ALG9: variants seen among roughly 807,000 people sequenced by gnomAD.
ALG9 encodes the protein ALG9 alpha-1,2-mannosyltransferase, also known as alpha-1,2-mannosyltransferase ALG9.
Under a neutral mutation model 81.8 loss-of-function variants are expected in ALG9, and 55 were observed. That is an observed-to-expected ratio of 0.67 (90% CI 0.54 to 0.84). ALG9 has a LOEUF of 0.84. ALG9 is among the 40% of genes least tolerant of loss of function. The pLI, the probability that ALG9 is intolerant of heterozygous loss-of-function variation, is 0.00. For missense variants in ALG9, 629 were observed against 745.0 expected (o/e 0.84, Z 1.81); for synonymous variants, 278 against 274.3 (o/e 1.01, Z -0.13).
intron 14 of ALG9, among the ~76,000 whole-genome samples, chr11:111,787,363 G>T (rs1447197647): frequency 6.6e-6 from 1 of 152,096 alleles, no homozygotes; most frequent in South Asian, 2.1e-4. Flanking sequence ...AACCCGGGAG[G>T]TGGAAGTTGC....
intron 13 of ALG9, among the ~76,000 whole-genome samples, chr11:111,835,545 C>T (rs920209558): frequency 6.6e-6 from 1 of 152,150 alleles, no homozygotes; most frequent in Admixed American, 6.5e-5. Context: ...TTGAAAGTTC[C>T]TCATTAAGGA....
intron 14 of ALG9, among the ~76,000 whole-genome samples, chr11:111,799,582 A>G (rs1441136626): frequency 1.3e-5 from 2 of 152,146 alleles, no homozygotes; most frequent in Non-Finnish European, 1.5e-5. Flanking sequence ...TAAATCAAAT[A>G]AGTAAACCAT....
intron 14 of ALG9, among the ~76,000 whole-genome samples, chr11:111,790,606 G>A (rs782723276): frequency 2.6e-5 from 4 of 152,184 alleles, no homozygotes; most frequent in Non-Finnish European, 2.9e-5. Context: ...ATATGTACCA[G>A]AAGATTTGCA....
intron 14 of ALG9, among the ~76,000 whole-genome samples, chr11:111,797,750 A>G (rs1162144566): frequency 1.3e-5 from 2 of 152,142 alleles, no homozygotes; most frequent in Non-Finnish European, 2.9e-5. Flanking sequence ...AGTGCAATGG[A>G]CTCTGTAGGC....
chr11:111,857,033 G>C (rs1331557109), intron 6 of ALG9, among the ~76,000 whole-genome samples: 4 of 152,230 alleles, frequency 2.6e-5, no homozygotes, highest in African/African-American at 9.6e-5. Flanking sequence ...CTTGAACCCA[G>C]GAGGCGGAGG....
downstream of ALG9, among the ~76,000 whole-genome samples, chr11:111,779,576 C>G (rs1310492949): frequency 6.6e-6 from 1 of 151,792 alleles, no homozygotes; most frequent in Non-Finnish European, 1.5e-5. Flanking sequence ...ATTTCAAACT[C>G]CTGGACTCAA....
At chr11:111,854,095 CTTTTTTTT>C (rs34575358) in intron 6 of ALG9, among the ~76,000 whole-genome samples, 1 of 117,782 alleles carries the variant, frequency 8.5e-6, no homozygotes, top group East Asian at 2.3e-4. Flanking sequence ...TTATTACAGA[CTTTTTTTT>C]TTTTTTTTTT....
Position 111,800,996 on chromosome 11 carries a change from T to C in ALG9, c.1733+8647A>G, listed in dbSNP as rs137856203. 4.7e-3 allele frequency among the ~76,000 whole-genome samples: 711 copies of C among 152,346 alleles called. 5 individuals carry two copies. The highest frequency in any genetic ancestry group is 0.016 in the African/African-American group (656 of 41,578). ...AAACAAATCATGTGGCTATGTGTCA[T>C]AGGCCTATTAAAACCTTTTTCTTTT... On this transcript the variant is annotated intron_variant, in intron 14 of 14. Transcript: ENST00000616540.
chr11:111,836,746 C>T (rs529380310), intron 12 of ALG9: 10 of 182,342 alleles, frequency 5.5e-5, no homozygotes, highest in South Asian at 4.5e-4. Flanking sequence ...CTATTTCAAA[C>T]GTAAAAGGCA....
rs1958947230 is a variant in ALG9, at chr11:111,857,822, A to G, written c.566-85T>C. On this transcript the variant is annotated intron_variant, in intron 5 of 14. Transcript: ENST00000616540. The stretch of plus-strand genomic sequence containing the variant: ...TCAATTAAAAACTGATTAAAAATTT[A>G]CCTACATTATAAAATGTCAATAAAC... 4 of 1,471,526 alleles carry G rather than the reference A, an allele frequency of 2.7e-6. No homozygotes were observed. The South Asian group carries it at 3.6e-5, about 13-fold the overall frequency. 91.2% of individuals were successfully genotyped at this position (1,471,526 alleles called of 1,614,324 possible). A position where few individuals can be genotyped will look rare whatever the true frequency, so the allele number is the denominator to read the frequency against.
intron 12 of ALG9, 55 bp from the exon 13 acceptor site, chr11:111,836,349 G>A (rs1955276725): frequency 6.2e-7 from 1 of 1,605,114 alleles, no homozygotes; most frequent in African/African-American, 1.3e-5. Flanking sequence ...ATTGCTAAAT[G>A]TACTTGAAAC....
chr11:111,862,716 T>C (rs1352568658), intron 4 of ALG9, among the ~76,000 whole-genome samples: 1 of 150,152 alleles, frequency 6.7e-6, no homozygotes, highest in African/African-American at 2.4e-5. Context: ...ATTCATATTA[T>C]ATAATATTAC....
Position 111,785,821 on chromosome 11 carries a change from T to TA in ALG9, c.*575dup. 1 of 348,326 alleles carries TA rather than the reference T, an allele frequency of 2.9e-6. No individual in the cohort carries two copies. Among genetic ancestry groups the TA allele is most frequent in the South Asian group, 2.2e-5 (1 of 44,762 alleles). The allele number at this position is 348,326 out of a possible 1,614,324, so 21.6% of individuals were successfully genotyped here. A position where few individuals can be genotyped will look rare whatever the true frequency, so the allele number is the denominator to read the frequency against. ...CTGAGATAGCTCCAGGACAGGGTCC[T>TA]AGTCCTGTGAAGTGCTTTAAAGAAG... On this transcript the variant is annotated 3_prime_UTR_variant, in exon 15 of 15. Transcript: ENST00000616540.
chr11:111,856,340 A>C (rs1411964627), intron 6 of ALG9, among the ~76,000 whole-genome samples: 1 of 151,652 alleles, frequency 6.6e-6, no homozygotes, highest in Non-Finnish European at 1.5e-5. Flanking sequence ...AACAGTAAAA[A>C]AATGAAAACC....
intron 14 of ALG9, among the ~76,000 whole-genome samples, chr11:111,789,042 T>C (rs941342544): frequency 7.9e-5 from 12 of 151,994 alleles, no homozygotes; most frequent in Admixed American, 5.2e-4. Context: ...AGGGTCTCAC[T>C]ATTTTGCCCA....
chr11:111,779,749 T>C (rs1945827923), downstream of ALG9, among the ~76,000 whole-genome samples: 1 of 152,142 alleles, frequency 6.6e-6, no homozygotes, highest in Admixed American at 6.5e-5. Context: ...ACCTAAAGTA[T>C]TTTATGAGAA....
chr11:111,851,688 G>A (rs1358665033), intron 8 of ALG9, among the ~76,000 whole-genome samples: 1 of 151,988 alleles, frequency 6.6e-6, no homozygotes, highest in Non-Finnish European at 1.5e-5. Flanking sequence ...TTTCTAACAG[G>A]CTCTCTGTGA....
intron 4 of ALG9, among the ~76,000 whole-genome samples, chr11:111,863,216 G>A (rs1158772744): frequency 6.6e-6 from 1 of 152,106 alleles, no homozygotes; most frequent in East Asian, 1.9e-4. Flanking sequence ...AAATTAGCCA[G>A]GCGTGGTGGT....
rs1555157382 is a variant in ALG9 at position 111,870,382 on chromosome 11, C to CCAAAAAAAAAAAAA, written c.132-13_132-12insTTTTTTTTTTTTTG. 9 of 973,948 alleles carry CCAAAAAAAAAAAAA rather than the reference C, an allele frequency of 9.2e-6. 2 individuals carry two copies. The highest frequency in any genetic ancestry group is 2.3e-5 in the South Asian group (1 of 42,896). The allele number at this position is 973,948 out of a possible 1,614,324, so 60.3% of individuals were successfully genotyped here. On this transcript the variant is annotated splice_polypyrimidine_tract_variant and intron_variant, in intron 1 of 14. Transcript: ENST00000616540. ...TGTTCCCAGATAACCTGTTCAAAAG[C>CCAAAAAAAAAAAAA]AAAAAAAAAAAAAAAAAAAAAAGCA...
Sources: allele counts gnomAD v4.1 joint callset (sites outside exome capture counted in the v4.1 genomes callset), GRCh38; gene constraint gnomAD v4.1.1; transcripts MANE v1.5; gene names NCBI Gene and HGNC (gene_info 2026-07-23, HGNC 2026-07-21).